Variants in APLF observed in about 807,000 individuals in gnomAD.
APLF encodes aprataxin and PNKP like factor.
A neutral mutation model predicts 55.6 loss-of-function variants in APLF; 61 were observed. The observed-to-expected ratio is 1.10, with a 90% CI of 0.89 to 1.36. The LOEUF is 1.36. Among genes scored for constraint, APLF ranks in the 40% most tolerant of loss-of-function variants. APLF has a pLI of 0.00. For missense variants in APLF, 611 were observed against 602.5 expected (o/e 1.01, Z -0.15); for synonymous variants, 207 against 214.8 (o/e 0.96, Z 0.32).
chr2:68,565,015 T>C (rs867971096), intron 8 of APLF, among the ~76,000 whole-genome samples: 20 of 152,206 alleles, frequency 1.3e-4, no homozygotes, highest in African/African-American at 4.6e-4. Flanking sequence ...TTGTTACCCA[T>C]ATTTCAAGTG....
intron 6 of APLF, among the ~76,000 whole-genome samples, chr2:68,535,718 G>C (rs1397724024): frequency 6.6e-6 from 1 of 151,746 alleles, no homozygotes; most frequent in Non-Finnish European, 1.5e-5. Context: ...CCCATGTTAA[G>C]GGGCCCTCAG....
chr2:68,572,391 T>C (rs1364448722), intron 9 of APLF, among the ~76,000 whole-genome samples: 1 of 152,212 alleles, frequency 6.6e-6, no homozygotes, highest in Non-Finnish European at 1.5e-5. Context: ...GCAAAATATT[T>C]ATTTACTTAA....
At chr2:68,474,975 G>A (rs1274383768) in intron 1 of APLF, among the ~76,000 whole-genome samples, 2 of 152,150 alleles carry the variant, frequency 1.3e-5, no homozygotes, top group East Asian at 3.8e-4. Flanking sequence ...GGTAGTATCT[G>A]TATTTTTAAA....
intron 1 of APLF, among the ~76,000 whole-genome samples, chr2:68,485,166 A>G (rs2103897321): frequency 6.6e-6 from 1 of 152,236 alleles, no homozygotes; most frequent in Non-Finnish European, 1.5e-5. Context: ...TCGGTTTTGT[A>G]CATCGTTTTC....
chr2:68,537,291 G>C (rs895113345), intron 6 of APLF, among the ~76,000 whole-genome samples: 4 of 149,836 alleles, frequency 2.7e-5, no homozygotes, highest in African/African-American at 9.9e-5. Flanking sequence ...TATTTTATTT[G>C]TATTTTCTGG....
At chr2:68,539,118 A>T (rs10164780) in intron 7 of APLF, among the ~76,000 whole-genome samples, 36,463 of 152,150 alleles carry the variant, frequency 0.24, 7,053 homozygotes, top group African/African-American at 0.54. Context: ...CTCATATTTT[A>T]AAATTTGAAT....
At chr2:68,566,214 A>G (rs905906571) in intron 8 of APLF, among the ~76,000 whole-genome samples, 2 of 152,114 alleles carry the variant, frequency 1.3e-5, no homozygotes, top group African/African-American at 4.8e-5. Context: ...CCCTATTGAA[A>G]AGAAAGAAAA....
rs1486347530 is a variant in APLF, at chr2:68,529,921, C to T, written c.804+3679C>T. On this transcript the variant is annotated intron_variant, in intron 6 of 9. Transcript: ENST00000303795. The surrounding 1 kb of genome is among the most constrained non-coding windows in gnomAD (Gnocchi z 4.4). ...AGGACCAGCCAGATCCCGCCAGGCT[C>T]CCCCGGGGCCTCTCCAGTGCCTCTG... 1.1e-4 allele frequency among the ~76,000 whole-genome samples: 16 copies of T among 152,338 alleles called. No homozygotes were observed. Among genetic ancestry groups the T allele is most frequent in the Admixed American group, 2.6e-4 (4 of 15,312 alleles).
intron 6 of APLF, among the ~76,000 whole-genome samples, chr2:68,531,833 A>T (rs1315477408): frequency 6.6e-6 from 1 of 152,180 alleles, no homozygotes; most frequent in Non-Finnish European, 1.5e-5. Flanking sequence ...ATCTTAATTG[A>T]TAGATTATAG....
chr2:68,517,664 C>G (rs554917956), intron 5 of APLF, among the ~76,000 whole-genome samples: 2 of 140,344 alleles, frequency 1.4e-5, no homozygotes, highest in African/African-American at 5.5e-5. Flanking sequence ...ATTAACGTAA[C>G]AATAATATAT....
chr2:68,518,774 A>G (rs867180245), intron 5 of APLF, among the ~76,000 whole-genome samples: 20 of 88,112 alleles, frequency 2.3e-4, no homozygotes, highest in Admixed American at 4.8e-4. Context: ...TTAATAATAT[A>G]TCATTATATA....
chr2:68,566,461 C>T (rs1017502953), intron 8 of APLF, among the ~76,000 whole-genome samples: 6 of 152,060 alleles, frequency 3.9e-5, no homozygotes, highest in East Asian at 1.9e-4. Flanking sequence ...TGCTTAGAGC[C>T]GGAATATAGT....
intron 3 of APLF, among the ~76,000 whole-genome samples, chr2:68,509,683 A>G (rs371339845): frequency 6.6e-6 from 1 of 152,156 alleles, no homozygotes; most frequent in Admixed American, 6.5e-5. Flanking sequence ...ATCTAGAACT[A>G]GAAATACCAT....
chr2:68,487,408 A>G (rs1389928419), intron 1 of APLF, among the ~76,000 whole-genome samples: 1 of 152,248 alleles, frequency 6.6e-6, no homozygotes, highest in South Asian at 2.1e-4. Flanking sequence ...TCCTGGCCCT[A>G]CTACTTATTG....
intron 8 of APLF, among the ~76,000 whole-genome samples, chr2:68,566,548 T>C (rs2104066702): frequency 6.6e-6 from 1 of 152,218 alleles, no homozygotes; most frequent in Non-Finnish European, 1.5e-5. Context: ...GACACAGGTA[T>C]ATTCGAAAGT....
chr2:68,484,487 G>A (rs1275562622), intron 1 of APLF, among the ~76,000 whole-genome samples: 3 of 152,022 alleles, frequency 2.0e-5, no homozygotes, highest in South Asian at 4.2e-4. Flanking sequence ...TCAGGAATTC[G>A]AGACCAGCCT....
intron 1 of APLF, among the ~76,000 whole-genome samples, chr2:68,486,181 T>A (rs1321201401): frequency 6.6e-6 from 1 of 152,160 alleles, no homozygotes; most frequent in African/African-American, 2.4e-5. Flanking sequence ...CACAAGAAGA[T>A]ATCCTAGGTC....
chr2:68,488,871 T>C (rs1676269308), intron 1 of APLF, among the ~76,000 whole-genome samples: 1 of 152,098 alleles, frequency 6.6e-6, no homozygotes, highest in African/African-American at 2.4e-5. Flanking sequence ...TACCTAATGC[T>C]AAATGACGAG....
At chr2:68,493,769 G>C (rs568945918) in intron 2 of APLF, among the ~76,000 whole-genome samples, 1 of 152,290 alleles carries the variant, frequency 6.6e-6, no homozygotes, top group Non-Finnish European at 1.5e-5. Context: ...TTCAAGACCA[G>C]CCTGGCCAAC....
Sources: gnomAD v4.1 joint callset for allele counts (sites outside exome capture counted in the v4.1 genomes callset) on GRCh38, gnomAD v4.1.1 for gene constraint, Gnocchi (gnomAD v3.1) non-coding constraint, MANE v1.5 for transcripts, NCBI Gene and HGNC (gene_info 2026-07-23, HGNC 2026-07-21) for gene names.